The following ZFHX3 variants were observed in gnomAD, a reference collection of about 807,000 sequenced individuals.
ZFHX3 encodes zinc finger homeobox protein 3.
A neutral mutation model predicts 279.1 loss-of-function variants in ZFHX3; 42 were observed. The ratio of observed to expected loss-of-function variants is 0.15; its 90% CI spans 0.12 to 0.19. The LOEUF (loss-of-function observed/expected upper bound fraction) is 0.19. Ranked by LOEUF, ZFHX3 falls within the 10% of genes least tolerant of loss-of-function variation. The pLI, the probability that ZFHX3 is intolerant of heterozygous loss-of-function variation, is 1.00. For synonymous variants in ZFHX3, 2,293 were observed against 1,957.8 expected (o/e 1.17, Z -4.52); for missense variants, 4,981 against 4,754.0 (o/e 1.05, Z -1.40).
intron 1 of ZFHX3, among the ~76,000 whole-genome samples, chr16:73,707,442 G>A (rs1226584338): frequency 6.6e-6 from 1 of 151,970 alleles, no homozygotes; most frequent in Non-Finnish European, 1.5e-5. Flanking sequence ...ATTAAGTAGG[G>A]ACATGGATGA....
At chr16:73,833,555 G>A (rs1330674113) in intron 1 of ZFHX3, among the ~76,000 whole-genome samples, 3 of 151,752 alleles carry the variant, frequency 2.0e-5, no homozygotes, top group Non-Finnish European at 2.9e-5. Context: ...GTTGAACAAT[G>A]AGAACACACG....
At chr16:72,956,704 T>C (rs1050208998) in intron 2 of ZFHX3, among the ~76,000 whole-genome samples, 7 of 152,206 alleles carry the variant, frequency 4.6e-5, no homozygotes, top group Admixed American at 3.3e-4. Flanking sequence ...TTAACTTTCC[T>C]TGATGGACAA....
In ZFHX3 at chr16:73,613,086, T is replaced by C. The variant is rs139194216; in HGVS notation, c.-1547+67094A>G. The stretch of plus-strand genomic sequence containing the variant: ...ATTTGAATTTGGGAAACAGATGAAA[T>C]AGAAAGCAAGTTTTTATTTATATAG... On this transcript the variant is annotated intron_variant, in intron 2 of 17. Coordinates refer to the ZFHX3 transcript ENST00000641206. Among the ~76,000 whole-genome samples, 154 of 152,276 alleles carry C rather than the reference T, an allele frequency of 1.0e-3. 1 individual carries two copies. The East Asian group carries it at 0.029, about 28-fold the overall frequency.
At chr16:73,239,597 T>C (rs571478319) in intron 5 of ZFHX3, among the ~76,000 whole-genome samples, 1 of 152,344 alleles carries the variant, frequency 6.6e-6, no homozygotes, top group East Asian at 1.9e-4. Flanking sequence ...CAGGGACTGA[T>C]TCTTCGCCTA....
At chr16:73,843,517 A>G (rs1352948002) in intron 1 of ZFHX3, among the ~76,000 whole-genome samples, 4 of 152,240 alleles carry the variant, frequency 2.6e-5, no homozygotes, top group Non-Finnish European at 5.9e-5. Context: ...GAATCAAGAA[A>G]TTGACATGGA....
intron 4 of ZFHX3, among the ~76,000 whole-genome samples, chr16:73,291,277 G>A (rs1285001405): frequency 6.6e-6 from 1 of 152,130 alleles, no homozygotes; most frequent in Admixed American, 6.5e-5. Context: ...TGATGTCTCT[G>A]GCTGCCTAGG....
intron 1 of ZFHX3, among the ~76,000 whole-genome samples, chr16:73,857,978 A>G (rs974265409): frequency 5.3e-5 from 8 of 151,888 alleles, no homozygotes; most frequent in African/African-American, 1.9e-4. Context: ...CGCCTGTAGT[A>G]CCGGCTACTC....
rs1268624402 is a variant in ZFHX3 at position 72,959,108 on chromosome 16, G to A, written c.1038C>T (p.Asn346=). The A allele has an allele frequency of 6.2e-7, 1 of 1,614,114 alleles. No individual in the cohort carries two copies. Among genetic ancestry groups the A allele is most frequent in the African/African-American group, 1.3e-5 (1 of 74,950 alleles). ...LVSFLEPKNK[N]FQHPLVSTAN... is the part of the protein sequence containing the mutation. ...CTGTGGAAACTAAAGGGTGTTGAAAGTTTTTGTTTTTTGGTTCCAGAAAAC... is the reference window on the plus strand; with the variant it reads ...CTGTGGAAACTAAAGGGTGTTGAAAATTTTTGTTTTTTGGTTCCAGAAAAC... The change falls in exon 2 of 10, where the codon AAC becomes AAT. Residue 346 remains asparagine (N), a synonymous_variant. Transcript: ENST00000268489.
At chr16:73,187,214 A>G (rs1167450566) in intron 5 of ZFHX3, among the ~76,000 whole-genome samples, 2 of 152,156 alleles carry the variant, frequency 1.3e-5, no homozygotes, top group East Asian at 1.9e-4. Context: ...ACATTAAATT[A>G]ACAACTTCTT....
chr16:73,839,990 C>T (rs1244198009), intron 1 of ZFHX3, among the ~76,000 whole-genome samples: 1 of 152,228 alleles, frequency 6.6e-6, no homozygotes, highest in African/African-American at 2.4e-5. Context: ...CTCCCATGTT[C>T]AATAACTCTC....
intron 5 of ZFHX3, among the ~76,000 whole-genome samples, chr16:72,820,940 AATAATTAGGTTAGTT>A (rs2143666715): frequency 6.6e-6 from 1 of 152,290 alleles, no homozygotes; most frequent in South Asian, 2.1e-4. Context: ...CGAGTCAAAC[AATAATTAGGTTAGTT>A]AGGGTCTTTG....
chr16:73,587,916 A>G (rs1382003482), intron 2 of ZFHX3, among the ~76,000 whole-genome samples: 1 of 152,246 alleles, frequency 6.6e-6, no homozygotes, highest in East Asian at 1.9e-4. Flanking sequence ...TTAAATAAAC[A>G]TAGTACAGCA....
intron 3 of ZFHX3, among the ~76,000 whole-genome samples, chr16:73,416,273 C>T (rs2017579333): frequency 6.6e-6 from 1 of 152,144 alleles, no homozygotes; most frequent in African/African-American, 2.4e-5. Flanking sequence ...TGTCTTCTTT[C>T]TCCTCTTCTT....
chr16:73,180,583 G>A (rs1597206691), intron 5 of ZFHX3, among the ~76,000 whole-genome samples: 1 of 152,112 alleles, frequency 6.6e-6, no homozygotes, highest in South Asian at 2.1e-4. Flanking sequence ...GGGTGCTCAT[G>A]TTGGTGTTCC....
intron 1 of ZFHX3, among the ~76,000 whole-genome samples, chr16:73,814,918 C>G (rs949453961): frequency 6.6e-6 from 1 of 152,084 alleles, no homozygotes; most frequent in African/African-American, 2.4e-5. Context: ...TATACTGAAA[C>G]ACTAGGATTT....
chr16:72,964,570 A>C (rs1961739144), intron 1 of ZFHX3, among the ~76,000 whole-genome samples: 1 of 151,854 alleles, frequency 6.6e-6, no homozygotes, highest in South Asian at 2.1e-4. Context: ...CATCATTGAG[A>C]CAGTAGGATT....
At chr16:73,157,064 C>T (rs983973007) in intron 5 of ZFHX3, among the ~76,000 whole-genome samples, 6 of 151,768 alleles carry the variant, frequency 4.0e-5, no homozygotes, top group South Asian at 2.1e-4. Flanking sequence ...CTATATTGCC[C>T]GGGATATAAG....
chr16:73,247,764 T>C (rs1453929279), intron 5 of ZFHX3, among the ~76,000 whole-genome samples: 1 of 152,140 alleles, frequency 6.6e-6, no homozygotes, highest in African/African-American at 2.4e-5. Flanking sequence ...TGAGTGTGTA[T>C]ATACTGCATA....
At chr16:73,437,195 G>A (rs2018013040) in intron 3 of ZFHX3, among the ~76,000 whole-genome samples, 2 of 152,086 alleles carry the variant, frequency 1.3e-5, no homozygotes, top group African/African-American at 4.8e-5. Context: ...AATTGCTTTT[G>A]CACCAACCTA....
Sources: gnomAD v4.1 joint callset for allele counts (sites outside exome capture counted in the v4.1 genomes callset) on GRCh38, gnomAD v4.1.1 for gene constraint, MANE v1.5 for transcripts, NCBI Gene and HGNC (gene_info 2026-07-23, HGNC 2026-07-21) for gene names.